The following DPYSL5 variants were observed in gnomAD, a reference collection of about 807,000 sequenced individuals.
DPYSL5 encodes the protein dihydropyrimidinase-related protein 5.
DPYSL5 carries 9 observed loss-of-function variants against 58.4 expected under a neutral mutation model. The ratio of observed to expected loss-of-function variants is 0.15; its 90% CI spans 0.09 to 0.27. The LOEUF (loss-of-function observed/expected upper bound fraction) is 0.27, where lower values mean the gene tolerates loss of function less well. DPYSL5 is among the 10% of genes least tolerant of loss of function. The pLI is 1.00. For missense variants in DPYSL5, 499 were observed against 770.6 expected (o/e 0.65, Z 4.17); for synonymous variants, 293 against 301.9 (o/e 0.97, Z 0.31).
chr2:26,867,141 ACACAT>A (rs1056212892), intron 1 of DPYSL5, among the ~76,000 whole-genome samples: 1 of 152,046 alleles, frequency 6.6e-6, no homozygotes. Context: ...TTTACCCTAT[ACACAT>A]CAATGTATAT....
chr2:26,877,053 G>A lies in DPYSL5; in HGVS notation c.-4-21443G>A, dbSNP rs552889685. Among the ~76,000 whole-genome samples, 3 of 137,432 alleles carry A rather than the reference G, an allele frequency of 2.2e-5. No individual in the cohort carries two copies. The highest frequency in any genetic ancestry group is 2.4e-4 in the East Asian group (1 of 4,214). The allele number at this position is 137,432 out of a possible 152,430, so 90.2% of individuals were successfully genotyped here. A position where few individuals can be genotyped will look rare whatever the true frequency, so the allele number is the denominator to read the frequency against. ...GTGATCTTGGCTCCCTGCAACCTCC[G>A]CCTCCCAGGTTCAAGCGATTCTCTT... is the stretch of plus-strand genomic sequence containing the variant. On this transcript the variant is annotated intron_variant, in intron 1 of 12. Coordinates refer to ENST00000288699, the MANE Select transcript of DPYSL5 (RefSeq NM_020134.4). The surrounding 1 kb of genome is among the most constrained non-coding windows in gnomAD (Gnocchi z 4.1).
rs1414684550 is a variant in DPYSL5 at position 26,927,487 on chromosome 2, T to A, written c.600+55T>A. 5 of 1,574,418 alleles carry A rather than the reference T, an allele frequency of 3.2e-6. No homozygotes were observed. The South Asian group carries it at 3.5e-5, about 11-fold the overall frequency. ...AGGGACACCAGTGGAGACAGTTAGT[T>A]CTCAGGGGATTCCTGACCACCCGTC... On this transcript the variant is annotated intron_variant, in intron 4 of 12. Transcript: ENST00000288699. The surrounding 1 kb of genome is among the most constrained non-coding windows in gnomAD (Gnocchi z 4.3).
At chr2:26,886,080 C>T (rs479291) in intron 1 of DPYSL5, among the ~76,000 whole-genome samples, 2 of 152,342 alleles carry the variant, frequency 1.3e-5, no homozygotes, top group Admixed American at 1.3e-4. Flanking sequence ...TATTAAAATG[C>T]TCCCGCTCCC....
chr2:26,931,692 C>T lies in DPYSL5; in HGVS notation c.714+8C>T, dbSNP rs1295924441. On this transcript the variant is annotated splice_region_variant and intron_variant, in intron 6 of 12. Transcript: ENST00000288699. Reference sequence around the variant, plus strand: ...ATCACCATTGCAAACAGGGTAAGTCCCCCGATGTCCACTGTGGGATTAGAA... The same window carrying T: ...ATCACCATTGCAAACAGGGTAAGTCTCCCGATGTCCACTGTGGGATTAGAA... The T allele has an allele frequency of 6.2e-6, 10 of 1,613,494 alleles. No individual in the cohort carries two copies. The highest frequency in any genetic ancestry group is 1.3e-5 in the African/African-American group (1 of 74,856).
chr2:26,873,477 C>T (rs1341956201), intron 1 of DPYSL5, among the ~76,000 whole-genome samples: 1 of 152,144 alleles, frequency 6.6e-6, no homozygotes, highest in Non-Finnish European at 1.5e-5. Context: ...GCAGGTACTA[C>T]TGGTATGTAG....
rs1164997190 is a variant in DPYSL5 at position 26,924,806 on chromosome 2, C to T, written c.262-81C>T. 6.3e-5 allele frequency: 96 copies of T among 1,523,938 alleles called. No homozygotes were observed. The highest frequency in any genetic ancestry group is 8.2e-5 in the Non-Finnish European group (93 of 1,131,272). The allele number at this position is 1,523,938 out of a possible 1,614,324, so 94.4% of individuals were successfully genotyped here. On this transcript the variant is annotated intron_variant, in intron 2 of 12. Coordinates refer to ENST00000288699, the MANE Select transcript of DPYSL5 (RefSeq NM_020134.4). The surrounding 1 kb of genome is among the most constrained non-coding windows in gnomAD (Gnocchi z 4.7). ...GAGGCAGGGCCTGTCTTTGAATGGA[C>T]CATGAGGACCATGTCTCACCACATC...
In DPYSL5 at chr2:26,877,625, A is replaced by C. The variant is rs1344808177; in HGVS notation, c.-4-20871A>C. Among the ~76,000 whole-genome samples the C allele has an allele frequency of 6.6e-6, 1 of 152,214 alleles. No individual in the cohort carries two copies. The highest frequency in any genetic ancestry group is 1.5e-5 in the Non-Finnish European group (1 of 68,040). On this transcript the variant is annotated intron_variant, in intron 1 of 12. Coordinates refer to ENST00000288699, the MANE Select transcript of DPYSL5 (RefSeq NM_020134.4). The surrounding 1 kb of genome is among the most constrained non-coding windows in gnomAD (Gnocchi z 4.1). ...CCCCCTAAATAAGACACTGTCACAC[A>C]ATATCTTTTAACTCATCTGTATTTG...
At chr2:26,918,575 A>C (rs1664632891) in intron 2 of DPYSL5, among the ~76,000 whole-genome samples, 1 of 152,200 alleles carries the variant, frequency 6.6e-6, no homozygotes, top group African/African-American at 2.4e-5. Context: ...CAAGAGAGGC[A>C]GATCCATCCG....
intron 1 of DPYSL5, among the ~76,000 whole-genome samples, chr2:26,897,301 G>A (rs951511114): frequency 2.6e-5 from 4 of 152,074 alleles, no homozygotes; most frequent in Non-Finnish European, 4.4e-5. Flanking sequence ...AGGTTTTTTT[G>A]TAGGTGTTCT....
intron 1 of DPYSL5, among the ~76,000 whole-genome samples, chr2:26,850,398 T>C (rs1363344507): frequency 6.6e-6 from 1 of 152,114 alleles, no homozygotes; most frequent in Non-Finnish European, 1.5e-5. Flanking sequence ...CTAAACACCT[T>C]GCAAGTCACC....
chr2:26,856,301 C>T (rs930750416), intron 1 of DPYSL5, among the ~76,000 whole-genome samples: 1 of 152,182 alleles, frequency 6.6e-6, no homozygotes, highest in African/African-American at 2.4e-5. Context: ...AGGAGAGTCT[C>T]TAGTTACTTA....
intron 1 of DPYSL5, among the ~76,000 whole-genome samples, chr2:26,896,748 C>T (rs527814758): frequency 1.1e-4 from 16 of 152,244 alleles, no homozygotes; most frequent in Admixed American, 6.5e-4. Flanking sequence ...CTGTTGGGCT[C>T]TTTCAATTCC....
intron 2 of DPYSL5, among the ~76,000 whole-genome samples, chr2:26,911,717 C>A (rs908577562): frequency 6.6e-6 from 1 of 152,126 alleles, no homozygotes; most frequent in Non-Finnish European, 1.5e-5. Flanking sequence ...ACCACTGAAC[C>A]ATCGCCCCTC....
At chr2:26,946,825 C>A in intron 12 of DPYSL5, 85 bp from the exon 13 acceptor site, 1 of 1,033,234 alleles carries the variant, frequency 9.7e-7, no homozygotes, top group Non-Finnish European at 1.5e-6. Flanking sequence ...AGGCCATGCA[C>A]ACAGTGAGCC....
chr2:26,910,129 G>A (rs924160378), intron 2 of DPYSL5, among the ~76,000 whole-genome samples: 2 of 151,896 alleles, frequency 1.3e-5, no homozygotes, highest in African/African-American at 4.8e-5. Flanking sequence ...TCCTTTTTTT[G>A]TCTGGTTTCT....
intron 5 of DPYSL5, among the ~76,000 whole-genome samples, chr2:26,931,152 A>AAAAAAAAAATAT (rs1209140758): frequency 2.0e-5 from 1 of 48,802 alleles, no homozygotes; most frequent in Non-Finnish European, 4.2e-5. Context: ...AAAAAAAAAA[A>AAAAAAAAAATAT]ATATATATAT....
rs749199762 is a variant in DPYSL5, at chr2:26,947,008, G to GC, written c.*19dup. ...TGGCATTTGGTAAAGGCATTGCCAA[G>GC]CCCCCCGAGTGAGGACGCACCGCCG... On this transcript the variant is annotated 3_prime_UTR_variant, in exon 13 of 13. Coordinates refer to ENST00000288699, the MANE Select transcript of DPYSL5 (RefSeq NM_020134.4). The surrounding 1 kb of genome is among the most constrained non-coding windows in gnomAD (Gnocchi z 4.2). The GC allele has an allele frequency of 1.9e-6, 3 of 1,601,198 alleles. No homozygotes were observed. Among genetic ancestry groups the GC allele is most frequent in the Non-Finnish European group, 1.7e-6 (2 of 1,169,370 alleles).
chr2:26,929,254 T>G (rs1646479833), intron 5 of DPYSL5, among the ~76,000 whole-genome samples: 1 of 152,086 alleles, frequency 6.6e-6, no homozygotes, highest in African/African-American at 2.4e-5. Flanking sequence ...TATTTTGAGA[T>G]GGAGTCTCGC....
rs1016255038 is a variant in DPYSL5, at chr2:26,927,036, T to A, written c.421-217T>A. 1.3e-5 allele frequency among the ~76,000 whole-genome samples: 2 copies of A among 152,230 alleles called. No individual in the cohort carries two copies. The highest frequency in any genetic ancestry group is 4.8e-5 in the African/African-American group (2 of 41,468). ...ACAATGTGGCTCCTAAACTGTGTCG[T>A]GTTGACAATTTTCACAGTACTTCCG... On this transcript the variant is annotated intron_variant, in intron 3 of 12. Coordinates refer to ENST00000288699, the MANE Select transcript of DPYSL5 (RefSeq NM_020134.4). The surrounding 1 kb of genome is among the most constrained non-coding windows in gnomAD (Gnocchi z 4.3).
Sources: gnomAD v4.1 joint callset for allele counts (sites outside exome capture counted in the v4.1 genomes callset) on GRCh38, gnomAD v4.1.1 for gene constraint, Gnocchi (gnomAD v3.1) non-coding constraint, MANE v1.5 for transcripts, NCBI Gene and HGNC (gene_info 2026-07-23, HGNC 2026-07-21) for gene names.